The following TMEM67 variants were observed in gnomAD, a reference collection of about 807,000 sequenced individuals.
The protein encoded by TMEM67 is transmembrane protein 67.
TMEM67 carries 124 observed loss-of-function variants against 136.6 expected under a neutral mutation model. The observed-to-expected ratio is 0.91, with a 90% CI of 0.78 to 1.05. TMEM67 has a LOEUF of 1.05. Among genes scored for constraint, TMEM67 ranks in the 50% least tolerant of loss-of-function variants. The probability of loss-of-function intolerance (pLI) is 0.00; values close to 1 mark genes in which losing one functional copy is unlikely to be tolerated. For missense variants in TMEM67, 1,107 were observed against 1,178.4 expected, an observed-to-expected ratio of 0.94 and a Z score of 0.89; for synonymous variants, 364 against 390.5, an observed-to-expected ratio of 0.93 and a Z score of 0.80.
intron 23 of TMEM67, among the ~76,000 whole-genome samples, chr8:93,806,289 T>C (rs1404110019): frequency 6.6e-6 from 1 of 152,188 alleles, no homozygotes; most frequent in Non-Finnish European, 1.5e-5. Context: ...TAAAAAAATC[T>C]GGGAGATTTT....
At chr8:93,809,931 A>C in intron 26 of TMEM67, 44 bp downstream of exon 26, 1 of 1,294,408 alleles carries the variant, frequency 7.7e-7, no homozygotes, top group Non-Finnish European at 1.1e-6. Flanking sequence ...CTGTTTTCAA[A>C]GTTTGAGAAA....
chr8:93,756,697 C>G (rs182384820), intron 2 of TMEM67: 2 of 151,870 alleles, frequency 1.3e-5, no homozygotes, highest in Admixed American at 6.6e-5. Flanking sequence ...GCTGAATTAC[C>G]CATGATAAAA....
chr8:93,787,697 T>C, intron 13 of TMEM67, 147 bp from the exon 14 acceptor site: 1 of 669,936 alleles, frequency 1.5e-6, no homozygotes, highest in East Asian at 2.7e-5. Flanking sequence ...ATCATTAGTT[T>C]ATGTGTAACC....
intron 22 of TMEM67, 148 bp from the exon 23 acceptor site, chr8:93,804,614 C>T: frequency 4.0e-6 from 2 of 501,574 alleles, no homozygotes; most frequent in Admixed American, 3.3e-5. Flanking sequence ...CCTTATTATC[C>T]TTCATTACTT....
chr8:93,780,475 G>A lies in TMEM67; in HGVS notation c.715-118G>A, dbSNP rs139177786. 547 of 1,036,062 alleles carry A rather than the reference G, an allele frequency of 5.3e-4. 2 individuals carry two copies. The African/African-American group carries it at 6.1e-3, about 12-fold the overall frequency. The allele number at this position is 1,036,062 out of a possible 1,614,324, so 64.2% of individuals were successfully genotyped here. A position where few individuals can be genotyped will look rare whatever the true frequency, so the allele number is the denominator to read the frequency against. Reference sequence around the variant, plus strand: ...TTGATTATGCTGGGAGCTGCAGACCGGAGCTGTTCCTACTCGGCCATCTTG... The same window carrying A: ...TTGATTATGCTGGGAGCTGCAGACCAGAGCTGTTCCTACTCGGCCATCTTG... On this transcript the variant is annotated intron_variant, in intron 7 of 27. Transcript: ENST00000453321.
the TMEM67 span, among the ~76,000 whole-genome samples, chr8:93,827,215 A>G: frequency 6.6e-6 from 1 of 152,220 alleles, no homozygotes; most frequent in African/African-American, 2.4e-5. Flanking sequence ...TTAAACTGAG[A>G]CAACATATAC....
chr8:93,781,146 G>A (rs1813807001), intron 9 of TMEM67, among the ~76,000 whole-genome samples, 164 bp downstream of exon 9: 1 of 152,210 alleles, frequency 6.6e-6, no homozygotes, highest in Non-Finnish European at 1.5e-5. Context: ...ATAGAGTTTA[G>A]CTATCTTACT....
At chr8:93,829,431 G>A in the TMEM67 span, among the ~76,000 whole-genome samples, 103 of 151,234 alleles carry the variant, frequency 6.8e-4, 1 homozygote, top group East Asian at 0.017. Context: ...CTAATCAGCC[G>A]TGTTCACTTC....
intron 26 of TMEM67, among the ~76,000 whole-genome samples, chr8:93,813,968 G>C (rs1808799556): frequency 6.6e-6 from 1 of 152,218 alleles, no homozygotes; most frequent in African/African-American, 2.4e-5. Flanking sequence ...TTCACAAACT[G>C]AATATACCCC....
intron 23 of TMEM67, among the ~76,000 whole-genome samples, chr8:93,807,602 T>G (rs1301661771): frequency 6.6e-6 from 1 of 152,038 alleles, no homozygotes; most frequent in Admixed American, 6.5e-5. Context: ...GTGTTGAGAT[T>G]TTAGGTAATA....
At chr8:93,755,942 T>C (rs1434978400) in intron 2 of TMEM67, 76 bp downstream of exon 2, 5 of 812,386 alleles carry the variant, frequency 6.2e-6, no homozygotes, top group Non-Finnish European at 1.0e-5. Context: ...CAAAATATAA[T>C]TTAATGTTTA....
At chr8:93,791,445 A>G (rs1208015588) in intron 15 of TMEM67, 126 bp downstream of exon 15, 1 of 661,494 alleles carries the variant, frequency 1.5e-6, no homozygotes, top group Non-Finnish European at 2.7e-6. Context: ...TAATGTTAGC[A>G]TACAAAACCT....
chr8:93,826,286 C>T, the TMEM67 span, among the ~76,000 whole-genome samples: 1 of 151,772 alleles, frequency 6.6e-6, no homozygotes, highest in Non-Finnish European at 1.5e-5. Context: ...CCCACCACCG[C>T]GCGTGGCTAG....
At chr8:93,758,714 C>T in intron 3 of TMEM67, 138 bp downstream of exon 3, 6 of 734,640 alleles carry the variant, frequency 8.2e-6, no homozygotes, top group Non-Finnish European at 1.4e-5. Context: ...TCTCCTGCCT[C>T]AGCTTCCTGA....
At chr8:93,807,925 A>G (rs1280567399) in intron 23 of TMEM67, among the ~76,000 whole-genome samples, 1 of 151,840 alleles carries the variant, frequency 6.6e-6, no homozygotes, top group Non-Finnish European at 1.5e-5. Context: ...TGTCAGGGAA[A>G]CCCAAAATGG....
intron 20 of TMEM67, among the ~76,000 whole-genome samples, chr8:93,799,065 A>G (rs1307332949): frequency 6.6e-6 from 1 of 152,028 alleles, no homozygotes; most frequent in Non-Finnish European, 1.5e-5. Context: ...TGGATTCAGT[A>G]TAATCATGTA....
chr8:93,815,821 C>T (rs1416525203), intron 27 of TMEM67, among the ~76,000 whole-genome samples: 1 of 71,860 alleles, frequency 1.4e-5, no homozygotes, highest in Admixed American at 1.6e-4. Flanking sequence ...GCTCAGGGCT[C>T]AGCACCAAAG....
chr8:93,797,267 C>T (rs1461441335), intron 19 of TMEM67, 34 bp downstream of exon 19: 2 of 1,610,824 alleles, frequency 1.2e-6, no homozygotes, highest in East Asian at 4.5e-5. Context: ...TACCAAAATT[C>T]TTTTGCTACC....
chr8:93,779,789 C>T (rs893512336), intron 7 of TMEM67, among the ~76,000 whole-genome samples: 9 of 152,178 alleles, frequency 5.9e-5, no homozygotes, highest in African/African-American at 2.2e-4. Context: ...TGTCTGTCGG[C>T]CCCTACTGGG....
Sources: allele counts gnomAD v4.1 joint callset (sites outside exome capture counted in the v4.1 genomes callset), GRCh38; gene constraint gnomAD v4.1.1; transcripts MANE v1.5; gene names NCBI Gene and HGNC (gene_info 2026-07-23, HGNC 2026-07-21).